The following GPD2 variants were observed in gnomAD, a reference collection of about 807,000 sequenced individuals.
The protein encoded by GPD2 is glycerol-3-phosphate dehydrogenase 2.
A neutral mutation model predicts 82.4 loss-of-function variants in GPD2; 54 were observed. That is an observed-to-expected ratio of 0.66 (90% confidence interval 0.53 to 0.82). The LOEUF is 0.82. Among genes scored for constraint, GPD2 ranks in the 40% least tolerant of loss-of-function variants. The pLI, the probability that GPD2 is intolerant of heterozygous loss-of-function variation, is 0.00. For synonymous variants in GPD2, 288 were observed against 306.1 expected (o/e 0.94, Z 0.62); for missense variants, 748 against 896.2 (o/e 0.83, Z 2.11).
chr2:156,455,636 T>G (rs1682764974), intron 1 of GPD2, among the ~76,000 whole-genome samples: 1 of 152,220 alleles, frequency 6.6e-6, no homozygotes, highest in Non-Finnish European at 1.5e-5. Context: ...CTGGACATAA[T>G]ACACCTTCAC....
intron 3 of GPD2, among the ~76,000 whole-genome samples, chr2:156,505,689 A>G (rs1376183589): frequency 6.6e-6 from 1 of 152,182 alleles, no homozygotes; most frequent in African/African-American, 2.4e-5. Flanking sequence ...TCAAATCCAT[A>G]GTAAGGAGTA....
At chr2:156,517,485 T>G (rs555009191) in intron 6 of GPD2, among the ~76,000 whole-genome samples, 1 of 152,376 alleles carries the variant, frequency 6.6e-6, no homozygotes, top group South Asian at 2.1e-4. Context: ...CCAGTTGTAT[T>G]TCCTTCTTAT....
At chr2:156,544,800 G>C (rs558642482) in intron 6 of GPD2, among the ~76,000 whole-genome samples, 1 of 152,214 alleles carries the variant, frequency 6.6e-6, no homozygotes, top group South Asian at 2.1e-4. Context: ...CATTCCCCCA[G>C]CCATGTTAAT....
intron 6 of GPD2, among the ~76,000 whole-genome samples, chr2:156,527,219 A>C (rs1180430815): frequency 6.6e-6 from 1 of 151,942 alleles, no homozygotes; most frequent in Non-Finnish European, 1.5e-5. Flanking sequence ...AAAGCCCCAC[A>C]CTTTAGTTTC....
upstream of GPD2, among the ~76,000 whole-genome samples, chr2:156,433,830 A>T (rs961536469): frequency 1.3e-5 from 2 of 152,154 alleles, no homozygotes; most frequent in African/African-American, 4.8e-5. Flanking sequence ...ATATTCAGGC[A>T]CTATGCTAGG....
chr2:156,488,236 T>A (rs1684018569), intron 2 of GPD2, among the ~76,000 whole-genome samples: 1 of 152,202 alleles, frequency 6.6e-6, no homozygotes. Context: ...ATGTCAGTTT[T>A]TAGAATCACA....
At position 156,513,320 on chromosome 2, in the gene GPD2, A is replaced by G; in HGVS notation, c.498-13A>G. 1 of 1,590,652 alleles carries G rather than the reference A, an allele frequency of 6.3e-7. No individual in the cohort carries two copies. On this transcript the variant is annotated splice_polypyrimidine_tract_variant and intron_variant, in intron 5 of 16. Coordinates refer to ENST00000438166, the MANE Select transcript of GPD2 (RefSeq NM_000408.5). ...CTGTTTCTGAAGAACTTTCCCCCCT[A>G]TTTATGCTGTAGGTGGTGGCAGTTA...
intron 1 of GPD2, among the ~76,000 whole-genome samples, chr2:156,439,743 A>C (rs967295745): frequency 6.6e-6 from 1 of 151,682 alleles, no homozygotes; most frequent in African/African-American, 2.4e-5. Flanking sequence ...GCTACTAGGA[A>C]GGCTGAGGCA....
chr2:156,461,152 T>C (rs1682973028), intron 1 of GPD2, among the ~76,000 whole-genome samples: 1 of 127,502 alleles, frequency 7.8e-6, no homozygotes, highest in Admixed American at 9.6e-5. Flanking sequence ...ACATTATCTC[T>C]CTCTATCTCT....
intron 1 of GPD2, among the ~76,000 whole-genome samples, chr2:156,473,085 A>C (rs144796725): frequency 1.1e-4 from 17 of 152,332 alleles, no homozygotes; most frequent in African/African-American, 4.1e-4. Context: ...AGGAAAGTCA[A>C]ATGAAACTGG....
Position 156,557,430 on chromosome 2 carries a change from G to A in GPD2, c.1013G>A (p.Gly338Glu). Residue 338 changes from glycine to glutamate, a missense_variant, in exon 9 of 17, where the codon GGG becomes GAG. Physicochemically the swap from Gly to Glu is moderately conservative, Grantham distance 98 (BLOSUM62 -2). Transcript: ENST00000438166. ...MGLLDPATSD[G>E]RVIFFLPWQK... ...CTTCTTGACCCAGCGACCAGTGATG[G>A]GCGAGTTATTTTCTTCTTACCCTGG... The A allele has an allele frequency of 6.2e-7, 1 of 1,611,446 alleles. No individual in the cohort carries two copies. Among genetic ancestry groups the A allele is most frequent in the South Asian group, 1.1e-5 (1 of 91,048 alleles).
intron 6 of GPD2, among the ~76,000 whole-genome samples, chr2:156,540,220 G>T (rs1488741319): frequency 6.6e-6 from 1 of 152,182 alleles, no homozygotes; most frequent in African/African-American, 2.4e-5. Flanking sequence ...GTCACGTCTT[G>T]CTGTGCCACC....
chr2:156,424,590 A>T, the GPD2 span, among the ~76,000 whole-genome samples: 1 of 152,240 alleles, frequency 6.6e-6, no homozygotes, highest in Non-Finnish European at 1.5e-5. Flanking sequence ...GAAAGGACTT[A>T]GATCAGAGAT....
chr2:156,430,399 A>G (rs577974943), upstream of GPD2, among the ~76,000 whole-genome samples: 14 of 152,340 alleles, frequency 9.2e-5, no homozygotes, highest in South Asian at 1.2e-3. Context: ...TAAGGATTAC[A>G]TCACCTTGTT....
intron 2 of GPD2, among the ~76,000 whole-genome samples, chr2:156,493,846 T>C (rs1285621618): frequency 6.6e-6 from 1 of 151,976 alleles, no homozygotes. Context: ...TCTCCCTCCC[T>C]CATCTGAATG....
intron 6 of GPD2, among the ~76,000 whole-genome samples, chr2:156,529,041 T>G (rs1685728616): frequency 2.0e-5 from 3 of 150,440 alleles, no homozygotes; most frequent in Non-Finnish European, 4.4e-5. Flanking sequence ...TGAACTAGTT[T>G]ACAGTCCCAC....
chr2:156,479,010 T>C (rs1026540007), intron 2 of GPD2, among the ~76,000 whole-genome samples: 5 of 152,230 alleles, frequency 3.3e-5, no homozygotes, highest in African/African-American at 1.2e-4. Context: ...CATTTGGTAC[T>C]CCCAGGACAA....
At chr2:156,492,595 C>T (rs748705753) in intron 2 of GPD2, among the ~76,000 whole-genome samples, 8 of 151,820 alleles carry the variant, frequency 5.3e-5, no homozygotes, top group Non-Finnish European at 8.8e-5. Context: ...ATGATCACTC[C>T]GGTTGTAATA....
At chr2:156,471,285 A>G (rs557302747) in intron 1 of GPD2, among the ~76,000 whole-genome samples, 1 of 152,312 alleles carries the variant, frequency 6.6e-6, no homozygotes, top group African/African-American at 2.4e-5. Flanking sequence ...CTTCTCTCAC[A>G]TGGGATCTAT....
Sources: gnomAD v4.1 joint callset for allele counts (sites outside exome capture counted in the v4.1 genomes callset) on GRCh38, gnomAD v4.1.1 for gene constraint, MANE v1.5 for transcripts, NCBI Gene and HGNC (gene_info 2026-07-23, HGNC 2026-07-21) for gene names.